CAPZB: variants seen among roughly 807,000 people sequenced by gnomAD.
CAPZB encodes the protein F-actin-capping protein subunit beta.
In CAPZB, 2 loss-of-function variants were observed where a neutral mutation model predicts 38.1. The observed-to-expected ratio is 0.05, with a 90% CI of 0.02 to 0.17. The LOEUF (loss-of-function observed/expected upper bound fraction) is 0.17, where lower values mean the gene tolerates loss of function less well. CAPZB is among the 10% of genes least tolerant of loss of function. The pLI, the probability that CAPZB is intolerant of heterozygous loss-of-function variation, is 1.00. For synonymous variants in CAPZB, 107 were observed against 127.4 expected (o/e 0.84, Z 1.08); for missense variants, 161 against 334.2 (o/e 0.48, Z 4.04).
At chr1:19,456,495 C>G (rs1570322756) in intron 1 of CAPZB, among the ~76,000 whole-genome samples, 1 of 152,288 alleles carries the variant, frequency 6.6e-6, no homozygotes, top group African/African-American at 2.4e-5. Flanking sequence ...GCCTCAATAT[C>G]CCAGTCTTGG....
chr1:19,446,063 C>G (rs897723753), intron 1 of CAPZB, among the ~76,000 whole-genome samples: 4 of 152,196 alleles, frequency 2.6e-5, no homozygotes, highest in African/African-American at 9.7e-5. Flanking sequence ...CAACAGATAA[C>G]CTGAGAGCGG....
chr1:19,398,585 A>C (rs868273213), intron 2 of CAPZB, among the ~76,000 whole-genome samples: 8 of 152,182 alleles, frequency 5.3e-5, no homozygotes, highest in African/African-American at 1.9e-4. Context: ...TCAGCACAAA[A>C]GTCACCCAGG....
chr1:19,449,798 AAAGAG>A (rs1485447289), intron 1 of CAPZB, among the ~76,000 whole-genome samples: 2 of 151,500 alleles, frequency 1.3e-5, no homozygotes, highest in Non-Finnish European at 1.5e-5. Flanking sequence ...AAAAAAAAAA[AAAGAG>A]AGAGACAGAG....
intron 4 of CAPZB, 121 bp downstream of exon 4, chr1:19,378,419 G>A (rs1481830660): frequency 3.0e-5 from 20 of 665,338 alleles, no homozygotes; most frequent in Admixed American, 6.8e-5. Context: ...ATGCTTGGCC[G>A]GGTAACAGAT....
intron 7 of CAPZB, among the ~76,000 whole-genome samples, chr1:19,344,684 C>T (rs1569864747): frequency 6.6e-6 from 1 of 152,350 alleles, no homozygotes; most frequent in South Asian, 2.1e-4. Context: ...CCAGCTCTGC[C>T]CATGCCTGGG....
chr1:19,468,065 T>C (rs750955542), intron 1 of CAPZB, among the ~76,000 whole-genome samples: 2 of 152,140 alleles, frequency 1.3e-5, no homozygotes, highest in Non-Finnish European at 2.9e-5. Flanking sequence ...ATTGAGCCAC[T>C]GCACTCCAGC....
At chr1:19,386,466 GGC>G (rs1379665670) in intron 2 of CAPZB, among the ~76,000 whole-genome samples, 1 of 152,170 alleles carries the variant, frequency 6.6e-6, no homozygotes, top group African/African-American at 2.4e-5. Context: ...TTGTTTCATG[GGC>G]CTGGGTTTAT....
rs76453794 is a variant in CAPZB, at chr1:19,425,576, A to G, written c.4-5826T>C. On this transcript the variant is annotated intron_variant, in intron 1 of 8. Coordinates refer to ENST00000264202, the MANE Select transcript of CAPZB (RefSeq NM_004930.5). ...TTTTGTGTTATTTTCTTATTTTGGT[A>G]TATAAACTGAGATAAGAAATATTTC... Among the ~76,000 whole-genome samples, 967 of 152,324 alleles carry G rather than the reference A, an allele frequency of 6.3e-3. 7 individuals are homozygous for G. Among genetic ancestry groups the G allele is most frequent in the African/African-American group, 0.021 (868 of 41,562 alleles).
intron 3 of CAPZB, among the ~76,000 whole-genome samples, chr1:19,382,718 G>A (rs923863577): frequency 4.6e-5 from 7 of 152,176 alleles, no homozygotes; most frequent in African/African-American, 1.4e-4. Context: ...GCCTGGCCTA[G>A]CCACGGACCT....
intron 6 of CAPZB, among the ~76,000 whole-genome samples, chr1:19,349,541 A>C (rs1450224407): frequency 6.6e-6 from 1 of 152,210 alleles, no homozygotes; most frequent in East Asian, 1.9e-4. Context: ...AAGTCCAGTC[A>C]CATCAGCAAT....
chr1:19,412,227 G>A (rs1305545597), intron 2 of CAPZB, among the ~76,000 whole-genome samples: 1 of 152,146 alleles, frequency 6.6e-6, no homozygotes, highest in Admixed American at 6.5e-5. Context: ...AGGGGCTGGT[G>A]CATATTACCA....
intron 1 of CAPZB, among the ~76,000 whole-genome samples, chr1:19,425,352 T>C (rs2094418493): frequency 6.6e-6 from 1 of 152,056 alleles, no homozygotes; most frequent in South Asian, 2.1e-4. Flanking sequence ...TATGTGAGTG[T>C]TTCCTAGGTA....
intron 1 of CAPZB, among the ~76,000 whole-genome samples, chr1:19,476,199 GA>G (rs2094606030): frequency 7.3e-6 from 1 of 137,692 alleles, no homozygotes; most frequent in Non-Finnish European, 1.5e-5. Flanking sequence ...TAGATAGATA[GA>G]TAGATAGATA....
At chr1:19,472,622 G>A (rs1262455241) in intron 1 of CAPZB, among the ~76,000 whole-genome samples, 1 of 151,646 alleles carries the variant, frequency 6.6e-6, no homozygotes, top group Non-Finnish European at 1.5e-5. Context: ...GGTGATTCCA[G>A]ACCCTGACTA....
intron 3 of CAPZB, among the ~76,000 whole-genome samples, chr1:19,378,861 C>T (rs988467584): frequency 2.0e-5 from 3 of 152,142 alleles, no homozygotes; most frequent in Admixed American, 6.5e-5. Context: ...GGCACACGCC[C>T]GTGCTCCACC....
intron 1 of CAPZB, among the ~76,000 whole-genome samples, chr1:19,447,290 T>TTG (rs1235421230): frequency 5.4e-5 from 8 of 147,244 alleles, no homozygotes; most frequent in African/African-American, 2.0e-4. Flanking sequence ...TTTTTTTTTT[T>TTG]TTTTTTGAGA....
intron 2 of CAPZB, among the ~76,000 whole-genome samples, chr1:19,389,115 TG>T (rs1030866247): frequency 5.3e-5 from 8 of 152,126 alleles, no homozygotes; most frequent in African/African-American, 1.9e-4. Flanking sequence ...GAATGAGAAA[TG>T]TGGAATAATA....
chr1:19,446,259 A>C (rs1192968688), intron 1 of CAPZB, among the ~76,000 whole-genome samples: 1 of 152,246 alleles, frequency 6.6e-6, no homozygotes, highest in African/African-American at 2.4e-5. Flanking sequence ...AGGAAAACTG[A>C]GACCATTTTT....
chr1:19,412,281 C>T lies in CAPZB; in HGVS notation c.93+7380G>A, dbSNP rs190610347. ...CGGCTCCTGCTCCAGAGATAACATTCGGCTCAGAGGAGAAAACTTCCAGGC... is the reference window on the plus strand; with the variant it reads ...CGGCTCCTGCTCCAGAGATAACATTTGGCTCAGAGGAGAAAACTTCCAGGC... On this transcript the variant is annotated intron_variant, in intron 2 of 8. Transcript: ENST00000264202. Among the ~76,000 whole-genome samples, 498 of 152,230 alleles carry T rather than the reference C, an allele frequency of 3.3e-3. 8 individuals are homozygous for T. The highest frequency in any genetic ancestry group is 5.5e-3 in the Non-Finnish European group (373 of 68,004).
Sources: allele counts gnomAD v4.1 joint callset (sites outside exome capture counted in the v4.1 genomes callset), GRCh38; gene constraint gnomAD v4.1.1; transcripts MANE v1.5; gene names NCBI Gene and HGNC (gene_info 2026-07-23, HGNC 2026-07-21).